Variants in TAF4B observed in about 807,000 individuals in gnomAD.
The protein encoded by TAF4B is TATA-box binding protein associated factor 4b, also known as transcription initiation factor TFIID subunit 4B.
In TAF4B, 38 loss-of-function variants were observed where a neutral mutation model predicts 86.4. The observed-to-expected ratio is 0.44, with a 90% CI of 0.34 to 0.58. The LOEUF (loss-of-function observed/expected upper bound fraction) is 0.58. Among genes scored for constraint, TAF4B ranks in the 20% least tolerant of loss-of-function variants. The pLI is 0.02. For missense variants in TAF4B, 988 were observed against 1,027.6 expected, an observed-to-expected ratio of 0.96 and a Z score of 0.53; for synonymous variants, 388 against 391.2, an observed-to-expected ratio of 0.99 and a Z score of 0.10.
At chr18:26,333,270 G>C (rs1049358122) in intron 12 of TAF4B, among the ~76,000 whole-genome samples, 5 of 151,158 alleles carry the variant, frequency 3.3e-5, no homozygotes, top group African/African-American at 1.2e-4. Flanking sequence ...GCCCAGGCTG[G>C]AGTGCAGTGG....
At position 26,383,064 on chromosome 18, in the gene TAF4B, T is replaced by C. The variant is rs553874445; in HGVS notation, c.2422-6781T>C. 4.6e-5 allele frequency among the ~76,000 whole-genome samples: 7 copies of C among 152,284 alleles called. No individual in the cohort carries two copies. The South Asian group carries it at 1.5e-3, about 32-fold the overall frequency. ...TTGTCTGTATCAAAAAGGAAAAATA[T>C]TTTGTTCATAATCAATAGTTTGAGA... On this transcript the variant is annotated intron_variant, in intron 14 of 14. Transcript: ENST00000269142.
intron 1 of TAF4B, among the ~76,000 whole-genome samples, chr18:26,253,522 T>C (rs2056036209): frequency 6.6e-6 from 1 of 152,218 alleles, no homozygotes; most frequent in Non-Finnish European, 1.5e-5. Context: ...CCATAAGGGA[T>C]ATTGACCTGT....
intron 3 of TAF4B, among the ~76,000 whole-genome samples, chr18:26,272,224 T>G (rs1182629530): frequency 1.3e-5 from 2 of 152,212 alleles, no homozygotes; most frequent in Non-Finnish European, 2.9e-5. Context: ...AGGCATTAGA[T>G]TCTCACGAGG....
intron 12 of TAF4B, among the ~76,000 whole-genome samples, chr18:26,332,999 T>C (rs1217090193): frequency 1.3e-5 from 2 of 151,826 alleles, no homozygotes; most frequent in East Asian, 3.9e-4. Context: ...TAGCAATTAC[T>C]GTCCCTTCTG....
chr18:26,316,688 A>G (rs1031472775), intron 10 of TAF4B, among the ~76,000 whole-genome samples: 4 of 152,102 alleles, frequency 2.6e-5, no homozygotes, highest in Non-Finnish European at 5.9e-5. Context: ...CCTGGCTTAC[A>G]TTTCTAATTT....
At chr18:26,327,783 A>C (rs1368897890) in intron 12 of TAF4B, among the ~76,000 whole-genome samples, 1 of 152,138 alleles carries the variant, frequency 6.6e-6, no homozygotes, top group Non-Finnish European at 1.5e-5. Context: ...ACAGGGTTCC[A>C]CCATGTTGGC....
At chr18:26,296,436 GT>G (rs924477486) in intron 9 of TAF4B, among the ~76,000 whole-genome samples, 1 of 142,290 alleles carries the variant, frequency 7.0e-6, no homozygotes, top group African/African-American at 2.5e-5. Context: ...CTTTTCTGCA[GT>G]TTTTTTTCCA....
chr18:26,238,097 C>T lies in TAF4B; in HGVS notation c.343+10821C>T, dbSNP rs144959309. On this transcript the variant is annotated intron_variant, in intron 1 of 14. Coordinates refer to ENST00000269142, the MANE Select transcript of TAF4B (RefSeq NM_005640.3). The stretch of plus-strand genomic sequence containing the variant: ...TGTCAGATTTAGTGGCCCTTACTGA[C>T]GCATTCTCGAAAACCTGTACCTTTG... Among the ~76,000 whole-genome samples the T allele has an allele frequency of 8.5e-5, 13 of 152,306 alleles. No homozygotes were observed. The East Asian group carries it at 1.7e-3, about 20-fold the overall frequency.
At chr18:26,287,218 G>T (rs1415568539) in intron 7 of TAF4B, among the ~76,000 whole-genome samples, 2 of 152,008 alleles carry the variant, frequency 1.3e-5, no homozygotes, top group African/African-American at 4.8e-5. Flanking sequence ...TGCCCAAGCT[G>T]GTCTCAAACT....
intron 5 of TAF4B, among the ~76,000 whole-genome samples, chr18:26,280,678 C>T (rs1162567893): frequency 1.3e-5 from 2 of 152,064 alleles, no homozygotes; most frequent in Non-Finnish European, 2.9e-5. Flanking sequence ...CAAAGAGAAG[C>T]GAACACTTAT....
intron 1 of TAF4B, among the ~76,000 whole-genome samples, chr18:26,258,054 G>C (rs539266057): frequency 6.6e-6 from 1 of 152,242 alleles, no homozygotes; most frequent in Non-Finnish European, 1.5e-5. Context: ...AGGAGACTGA[G>C]ACCATCCTGG....
intron 1 of TAF4B, among the ~76,000 whole-genome samples, chr18:26,245,118 G>A (rs754593658): frequency 1.3e-5 from 2 of 152,208 alleles, no homozygotes; most frequent in Admixed American, 6.5e-5. Context: ...TTAGTCTGGC[G>A]GCCATGCTAG....
At chr18:26,253,325 G>T (rs1439588326) in intron 1 of TAF4B, among the ~76,000 whole-genome samples, 1 of 152,138 alleles carries the variant, frequency 6.6e-6, no homozygotes, top group Non-Finnish European at 1.5e-5. Context: ...TTCCGCATCT[G>T]TTGAGATGAT....
rs201827884 is a variant in TAF4B, at chr18:26,286,161, A to G, written c.1252A>G (p.Thr418Ala). ...GVVTLHSVGP[T>A]AATGGTTAGT... ...TGTGACACTTCATTCTGTGGGCCCA[A>G]CTGCTGCAACAGGAGGAACAACAGC... The change falls in exon 7 of 15, where the codon ACT becomes GCT. Residue 418 changes from threonine (T) to alanine (A), a missense_variant. Around this residue, in one of 3 missense-constraint regions of TAF4B, gnomAD observed 747 missense variants for 737.9 expected, o/e 1.01. Transcript: ENST00000269142. 9.6e-5 allele frequency: 155 copies of G among 1,614,086 alleles called. No homozygotes were observed. Among genetic ancestry groups the G allele is most frequent in the Admixed American group, 2.5e-4 (15 of 60,008 alleles).
chr18:26,373,113 T>C lies in TAF4B; in HGVS notation c.2421+15319T>C, dbSNP rs887420546. ...AGTTGGGAGCTTGTTGAGAAACCCT[T>C]TCCAAGGTAAGACAACTTGTGTCAG... On this transcript the variant is annotated intron_variant, in intron 14 of 14. Transcript: ENST00000269142. Among the ~76,000 whole-genome samples, 4 of 152,256 alleles carry C rather than the reference T, an allele frequency of 2.6e-5. No homozygotes were observed. In the South Asian group the frequency reaches 6.2e-4, roughly 24 times the overall value.
intron 9 of TAF4B, 83 bp from the exon 10 acceptor site, chr18:26,315,146 G>GTA: frequency 1.4e-5 from 2 of 147,184 alleles, no homozygotes; most frequent in Non-Finnish European, 2.2e-5. Context: ...CTCTCTCTCT[G>GTA]TCTCTCTCTC....
intron 12 of TAF4B, among the ~76,000 whole-genome samples, chr18:26,331,935 A>C (rs533750564): frequency 6.6e-6 from 1 of 152,260 alleles, no homozygotes; most frequent in South Asian, 2.1e-4. Context: ...CTTCTTACCA[A>C]ATTTTAAAAG....
intron 9 of TAF4B, among the ~76,000 whole-genome samples, chr18:26,309,210 G>A (rs948973652): frequency 7.1e-6 from 1 of 140,828 alleles, no homozygotes; most frequent in African/African-American, 2.6e-5. Flanking sequence ...AATGAATGAA[G>A]TGAGTCTGTC....
intron 7 of TAF4B, among the ~76,000 whole-genome samples, chr18:26,287,820 A>G (rs1022813816): frequency 1.3e-5 from 2 of 152,246 alleles, no homozygotes; most frequent in Admixed American, 1.3e-4. Context: ...AGCTTTGGAC[A>G]TAGAATGAAA....
Sources: allele counts gnomAD v4.1 joint callset (sites outside exome capture counted in the v4.1 genomes callset), GRCh38; gene constraint gnomAD v4.1.1; regional missense constraint gnomAD v4.1.1; transcripts MANE v1.5; gene names NCBI Gene and HGNC (gene_info 2026-07-23, HGNC 2026-07-21).